The following KMT2E variants were observed in gnomAD, a reference collection of about 807,000 sequenced individuals.
KMT2E encodes the protein lysine methyltransferase 2E (inactive).
In KMT2E, 30 loss-of-function variants were observed where a neutral mutation model predicts 184.6. The observed-to-expected ratio is 0.16, with a 90% CI of 0.12 to 0.22. The LOEUF (loss-of-function observed/expected upper bound fraction) is 0.22, where lower values mean the gene tolerates loss of function less well. KMT2E is among the 10% of genes least tolerant of loss of function. The probability of loss-of-function intolerance (pLI) is 1.00; values close to 1 mark genes in which losing one functional copy is unlikely to be tolerated. For missense variants in KMT2E, 2,023 were observed against 2,237.4 expected (o/e 0.90, Z 1.93); for synonymous variants, 815 against 776.5 (o/e 1.05, Z -0.82).
intron 1 of KMT2E, among the ~76,000 whole-genome samples, chr7:105,034,846 CT>C (rs892119564): frequency 9.9e-6 from 1 of 101,502 alleles, no homozygotes; most frequent in African/African-American, 3.8e-5. Context: ...TTGAGGTTGG[CT>C]TTTTTTTGGG....
chr7:105,091,487 A>T, intron 15 of KMT2E, 173 bp downstream of exon 15: 2 of 630,026 alleles, frequency 3.2e-6, no homozygotes, highest in Non-Finnish European at 5.8e-6. Context: ...TTAATCTTGT[A>T]TTTTTATTGG....
At chr7:105,077,820 T>C (rs1797594660) in intron 11 of KMT2E, 1 of 181,264 alleles carries the variant, frequency 5.5e-6, no homozygotes, top group Admixed American at 5.5e-5. Context: ...ATAGCCGGAA[T>C]GGAGAAAGAC....
chr7:105,066,175 A>C (rs1797020090), intron 5 of KMT2E, among the ~76,000 whole-genome samples: 1 of 151,892 alleles, frequency 6.6e-6, no homozygotes, highest in South Asian at 2.1e-4. Flanking sequence ...CTGTTGACAG[A>C]GGAAATTTAC....
At chr7:105,104,204 T>G (rs1322739551) in intron 17 of KMT2E, 1 of 151,802 alleles carries the variant, frequency 6.6e-6, no homozygotes, top group Non-Finnish European at 1.5e-5. Context: ...TGGTTACTCG[T>G]TTTTTTTAAA....
chr7:105,101,658 T>TA (rs1435291643), intron 16 of KMT2E, 69 bp downstream of exon 16: 2 of 1,269,134 alleles, frequency 1.6e-6, no homozygotes, highest in African/African-American at 3.2e-5. Flanking sequence ...TTGCATTAAT[T>TA]ACTTATAAGG....
At position 105,090,142 on chromosome 7, in the gene KMT2E, A is replaced by G. The variant is rs1290521363; in HGVS notation, c.1492A>G (p.Ile498Val). ...GAAAAAAGGAAAAAAAGACAAAGATATTTCAAAAGAAAAAGATACACAAAA... is the reference window on the plus strand; with the variant it reads ...GAAAAAAGGAAAAAAAGACAAAGATGTTTCAAAAGAAAAAGATACACAAAA... The part of the protein sequence containing the change: ...RRKKGKKDKD[I>V]SKEKDTQNQN... Residue 498 changes from isoleucine (I) to valine (V), a missense_variant, in exon 14 of 27, where the codon ATT becomes GTT. Ile to Val is a conservative substitution (Grantham distance 29, BLOSUM62 3). This residue lies in a region of KMT2E where 514 missense variants were observed against 621.8 expected (regional missense o/e 0.83). Coordinates refer to ENST00000311117, the MANE Select transcript of KMT2E (RefSeq NM_182931.3). The G allele has an allele frequency of 1.5e-5, 24 of 1,613,266 alleles. No homozygotes were observed. Among genetic ancestry groups the G allele is most frequent in the Non-Finnish European group, 2.0e-5 (24 of 1,179,578 alleles).
chr7:105,064,475 T>C (rs1459535921), intron 5 of KMT2E, among the ~76,000 whole-genome samples: 1 of 152,206 alleles, frequency 6.6e-6, no homozygotes, highest in East Asian at 1.9e-4. Flanking sequence ...TGTAATATTA[T>C]CCCCATCTAT....
intron 15 of KMT2E, among the ~76,000 whole-genome samples, chr7:105,100,498 G>C (rs562555003): frequency 1.3e-5 from 2 of 152,254 alleles, no homozygotes; most frequent in African/African-American, 4.8e-5. Flanking sequence ...TTAAGAACTG[G>C]ACAGTTGATG....
chr7:105,079,872 TG>T (rs1797688974), intron 12 of KMT2E, among the ~76,000 whole-genome samples: 1 of 151,258 alleles, frequency 6.6e-6, no homozygotes, highest in Non-Finnish European at 1.5e-5. Context: ...GGCAGGGTCT[TG>T]CCTAGGCTGG....
intron 17 of KMT2E, chr7:105,104,346 A>G (rs1248343127): frequency 6.6e-6 from 1 of 152,180 alleles, no homozygotes; most frequent in Admixed American, 6.5e-5. Flanking sequence ...CTTAAGAGAT[A>G]TTCCAAACCC....
intron 22 of KMT2E, among the ~76,000 whole-genome samples, chr7:105,108,315 A>G (rs1584806837): frequency 6.6e-6 from 1 of 152,162 alleles, no homozygotes; most frequent in African/African-American, 2.4e-5. Context: ...CTCATCTATA[A>G]TATCTATAGT....
intron 1 of KMT2E, among the ~76,000 whole-genome samples, chr7:105,025,023 A>G (rs1795115705): frequency 6.6e-6 from 1 of 152,190 alleles, no homozygotes; most frequent in South Asian, 2.1e-4. Context: ...GATTAAAAGC[A>G]TGTGTACTTA....
At chr7:105,083,434 A>C (rs10245589) in intron 13 of KMT2E, among the ~76,000 whole-genome samples, 41,236 of 152,090 alleles carry the variant, frequency 0.27, 8,193 homozygotes, top group East Asian at 0.58. Flanking sequence ...TTTAAAAGGC[A>C]ATCCCTTCCT....
intron 1 of KMT2E, among the ~76,000 whole-genome samples, chr7:105,023,607 G>C (rs917699003): frequency 1.3e-5 from 2 of 151,598 alleles, no homozygotes; most frequent in Admixed American, 6.6e-5. Flanking sequence ...AGCAGGCCTG[G>C]CTAATTTTTT....
chr7:105,062,211 G>A lies in KMT2E; in HGVS notation c.119G>A (p.Ser40Asn). Residue 40 changes from serine (S) to asparagine (N), a missense_variant, in exon 4 of 27, where the codon AGT becomes AAT. Ser to Asn is a conservative substitution (Grantham distance 46). Around this residue, in one of 8 missense-constraint regions of KMT2E, gnomAD observed 63 missense variants for 68.9 expected, o/e 0.91. Coordinates refer to ENST00000311117, the MANE Select transcript of KMT2E (RefSeq NM_182931.3). ...ASPVVVEKSN[S>N]YPHQLYTSSS... ...CCTGTGGTAGTTGAGAAATCCAACA[G>A]TTATCCCCACCAGTTATATACCAGC... The A allele has an allele frequency of 6.2e-7, 1 of 1,613,518 alleles. No homozygotes were observed.
At chr7:105,067,094 A>G (rs954403588) in intron 6 of KMT2E, among the ~76,000 whole-genome samples, 6 of 151,048 alleles carry the variant, frequency 4.0e-5, no homozygotes, top group Non-Finnish European at 8.9e-5. Context: ...AGAAAAAGAA[A>G]AAAGGAGAAT....
intron 23 of KMT2E, 113 bp downstream of exon 23, chr7:105,109,341 T>TA: frequency 9.5e-7 from 1 of 1,056,618 alleles, no homozygotes; most frequent in Non-Finnish European, 1.3e-6. Flanking sequence ...GTCACAATTT[T>TA]AAAAGATTCT....
intron 1 of KMT2E, among the ~76,000 whole-genome samples, chr7:105,026,620 T>C (rs1231104038): frequency 6.6e-6 from 1 of 152,218 alleles, no homozygotes; most frequent in Admixed American, 6.5e-5. Context: ...AGTAACCTAG[T>C]TGCTGTATAT....
intron 3 of KMT2E, among the ~76,000 whole-genome samples, chr7:105,050,715 G>A (rs986446192): frequency 6.6e-5 from 7 of 105,548 alleles, no homozygotes; most frequent in African/African-American, 2.2e-4. Flanking sequence ...CTCTCTTTCT[G>A]TCTGTCTGTC....
Sources: allele counts gnomAD v4.1 joint callset (sites outside exome capture counted in the v4.1 genomes callset), GRCh38; gene constraint gnomAD v4.1.1; regional missense constraint gnomAD v4.1.1; transcripts MANE v1.5; gene names NCBI Gene and HGNC (gene_info 2026-07-23, HGNC 2026-07-21).